MAML2: variants seen among roughly 807,000 people sequenced by gnomAD.
MAML2 encodes the protein mastermind like transcriptional coactivator 2.
In MAML2, 22 loss-of-function variants were observed where a neutral mutation model predicts 96.1. The observed-to-expected ratio is 0.23, with a 90% CI of 0.16 to 0.33. MAML2 has a LOEUF of 0.33. MAML2 is among the 10% of genes least tolerant of loss of function. MAML2 has a pLI of 1.00. For synonymous variants in MAML2, 561 were observed against 521.3 expected, an observed-to-expected ratio of 1.08 and a Z score of -1.04; for missense variants, 1,367 against 1,392.4, an observed-to-expected ratio of 0.98 and a Z score of 0.29.
chr11:96,206,210 T>G (rs1055647062), intron 1 of MAML2, among the ~76,000 whole-genome samples: 1 of 152,228 alleles, frequency 6.6e-6, no homozygotes, highest in African/African-American at 2.4e-5. Flanking sequence ...AAAATGAGTT[T>G]CTTTATGCAA....
At chr11:96,001,159 C>T (rs930783841) in intron 2 of MAML2, among the ~76,000 whole-genome samples, 1 of 152,060 alleles carries the variant, frequency 6.6e-6, no homozygotes, top group Non-Finnish European at 1.5e-5. Flanking sequence ...TCAGATGTTA[C>T]CCAATTTTTA....
Position 95,976,973 on chromosome 11 carries a change from G to T in MAML2, c.*1975C>A, listed in dbSNP as rs558464993. On this transcript the variant is annotated 3_prime_UTR_variant, in exon 5 of 5. Transcript: ENST00000524717. The stretch of plus-strand genomic sequence containing the variant: ...AATCAAATAAGACACAAGAACTATG[G>T]GTTTAAAAAAGAATTTGGGAGCAGG... 5.0e-6 allele frequency: 1 copy of T among 199,866 alleles called. No homozygotes were observed. Among genetic ancestry groups the T allele is most frequent in the South Asian group, 1.9e-4 (1 of 5,226 alleles). 12.4% of individuals were successfully genotyped at this position (199,866 alleles called of 1,614,324 possible).
chr11:96,259,898 T>A (rs1228579914), intron 1 of MAML2, among the ~76,000 whole-genome samples: 1 of 152,020 alleles, frequency 6.6e-6, no homozygotes, highest in African/African-American at 2.4e-5. Context: ...AAAGGTTACC[T>A]TAAAAAAAGC....
At chr11:96,016,273 T>TGGGGGGGGGGGG in intron 2 of MAML2, among the ~76,000 whole-genome samples, 1 of 7,356 alleles carries the variant, frequency 1.4e-4, no homozygotes, top group Non-Finnish European at 2.9e-4. Context: ...GGGGGGAGGG[T>TGGGGGGGGGGGG]GGGTGGGCAG....
chr11:96,332,661 T>C (rs1565286705), intron 1 of MAML2, among the ~76,000 whole-genome samples: 1 of 152,240 alleles, frequency 6.6e-6, no homozygotes, highest in Non-Finnish European at 1.5e-5. Context: ...TACTTTGTGC[T>C]GTCTGAAATT....
At chr11:96,236,543 A>T (rs1862369787) in intron 1 of MAML2, among the ~76,000 whole-genome samples, 1 of 152,182 alleles carries the variant, frequency 6.6e-6, no homozygotes, top group South Asian at 2.1e-4. Flanking sequence ...TAGTCTCCAT[A>T]GTAGGAGACT....
At chr11:96,141,405 C>G (rs1476368338) in intron 1 of MAML2, among the ~76,000 whole-genome samples, 1 of 152,164 alleles carries the variant, frequency 6.6e-6, no homozygotes, top group Admixed American at 6.5e-5. Flanking sequence ...TCCCTATGCA[C>G]AGATAGTTCT....
At chr11:96,243,095 A>G (rs964022571) in intron 1 of MAML2, among the ~76,000 whole-genome samples, 1 of 151,628 alleles carries the variant, frequency 6.6e-6, no homozygotes, top group Non-Finnish European at 1.5e-5. Context: ...ATAATAAGCA[A>G]TCTACCAACT....
chr11:96,059,935 ATG>A (rs1565202296), intron 2 of MAML2, among the ~76,000 whole-genome samples: 1 of 152,224 alleles, frequency 6.6e-6, no homozygotes, highest in Non-Finnish European at 1.5e-5. Flanking sequence ...CACTAGATCA[ATG>A]TGTTAAGTGC....
At chr11:96,324,841 C>T (rs1863752834) in intron 1 of MAML2, among the ~76,000 whole-genome samples, 1 of 152,114 alleles carries the variant, frequency 6.6e-6, no homozygotes, top group African/African-American at 2.4e-5. Context: ...GAAGAGTCTA[C>T]TTCTTTAATT....
At chr11:96,021,976 C>A (rs1420448031) in intron 2 of MAML2, among the ~76,000 whole-genome samples, 4 of 152,136 alleles carry the variant, frequency 2.6e-5, no homozygotes, top group Non-Finnish European at 5.9e-5. Context: ...AAACAGAGTT[C>A]CTACCTTGAA....
At chr11:96,209,469 C>T (rs1861937764) in intron 1 of MAML2, among the ~76,000 whole-genome samples, 1 of 151,854 alleles carries the variant, frequency 6.6e-6, no homozygotes, top group African/African-American at 2.4e-5. Context: ...AAAAACCTGT[C>T]TCTACTGAGG....
At chr11:96,145,825 T>C (rs1860806515) in intron 1 of MAML2, among the ~76,000 whole-genome samples, 1 of 152,128 alleles carries the variant, frequency 6.6e-6, no homozygotes, top group Admixed American at 6.5e-5. Context: ...CTGGCCAACA[T>C]GGCGAAACCC....
At chr11:96,152,044 G>A (rs1234241834) in intron 1 of MAML2, among the ~76,000 whole-genome samples, 2 of 152,156 alleles carry the variant, frequency 1.3e-5, no homozygotes, top group African/African-American at 4.8e-5. Context: ...GCAACATATT[G>A]AGATCTCATC....
intron 1 of MAML2, among the ~76,000 whole-genome samples, chr11:96,285,399 CAGGATAT>C (rs1221801505): frequency 6.6e-6 from 1 of 152,104 alleles, no homozygotes; most frequent in Non-Finnish European, 1.5e-5. Flanking sequence ...CAATACCATT[CAGGATAT>C]AGGTGCAGGC....
intron 1 of MAML2, among the ~76,000 whole-genome samples, chr11:96,232,564 G>A (rs567520302): frequency 4.8e-4 from 73 of 152,164 alleles, no homozygotes; most frequent in Non-Finnish European, 5.9e-4. Flanking sequence ...CCGCCTCCCC[G>A]GTTCATGCCA....
intron 2 of MAML2, among the ~76,000 whole-genome samples, chr11:96,044,290 C>T (rs1462180615): frequency 1.3e-5 from 2 of 152,078 alleles, no homozygotes; most frequent in African/African-American, 4.8e-5. Flanking sequence ...TGCATGGATG[C>T]CTTAAGTATT....
intron 2 of MAML2, among the ~76,000 whole-genome samples, chr11:96,065,413 ATG>A (rs1491528319): frequency 1.9e-4 from 16 of 82,282 alleles, no homozygotes; most frequent in African/African-American, 7.6e-4. Flanking sequence ...GCGTGCGTGC[ATG>A]CACACACACA....
At chr11:96,159,385 C>T (rs899874090) in intron 1 of MAML2, among the ~76,000 whole-genome samples, 2 of 146,390 alleles carry the variant, frequency 1.4e-5, no homozygotes, top group African/African-American at 2.5e-5. Context: ...CAGTTACTAA[C>T]CGTGCCTCTA....
Sources: allele counts gnomAD v4.1 joint callset (sites outside exome capture counted in the v4.1 genomes callset), GRCh38; gene constraint gnomAD v4.1.1; transcripts MANE v1.5; gene names NCBI Gene and HGNC (gene_info 2026-07-23, HGNC 2026-07-21).